The following DLGAP1 variants were observed in gnomAD, a reference collection of about 807,000 sequenced individuals.
DLGAP1 encodes DLG associated protein 1, also known as disks large-associated protein 1.
Under a neutral mutation model 90.8 loss-of-function variants are expected in DLGAP1, and 11 were observed. That is an observed-to-expected ratio of 0.12 (90% confidence interval 0.08 to 0.20). DLGAP1 has a LOEUF of 0.20. DLGAP1 is among the 10% of genes least tolerant of loss of function. The pLI is 1.00. For missense variants in DLGAP1, 1,050 were observed against 1,333.8 expected, an observed-to-expected ratio of 0.79 and a Z score of 3.31; for synonymous variants, 558 against 540.7, an observed-to-expected ratio of 1.03 and a Z score of -0.44.
chr18:3,689,847 T>G (rs549255543), intron 7 of DLGAP1, among the ~76,000 whole-genome samples: 23 of 152,204 alleles, frequency 1.5e-4, no homozygotes, highest in Non-Finnish European at 2.4e-4. Flanking sequence ...GTAGGGTTTC[T>G]TAGAGTCCTC....
At chr18:3,763,205 G>A (rs1261412545) in intron 5 of DLGAP1, among the ~76,000 whole-genome samples, 1 of 152,206 alleles carries the variant, frequency 6.6e-6, no homozygotes, top group Non-Finnish European at 1.5e-5. Context: ...GCAGAAGAAC[G>A]TGGAAAGACT....
chr18:4,424,382 A>T (rs2083106803), intron 1 of DLGAP1, among the ~76,000 whole-genome samples: 1 of 152,206 alleles, frequency 6.6e-6, no homozygotes, highest in Non-Finnish European at 1.5e-5. Flanking sequence ...GCAGAAAGCT[A>T]AAAGATTTAC....
rs1210317720 is a variant in DLGAP1 at position 4,135,331 on chromosome 18, C to T, written c.-159+15849G>A. Among the ~76,000 whole-genome samples the T allele has an allele frequency of 2.0e-5, 3 of 152,102 alleles. No individual in the cohort carries two copies. The East Asian group carries it at 5.8e-4, about 29-fold the overall frequency. On this transcript the variant is annotated intron_variant, in intron 2 of 12. Transcript: ENST00000315677. ...TTTGGAAATAAAGGGTTTGATGTGA[C>T]CAGGAAGTACTAGTAGATGCCCTCC...
intron 1 of DLGAP1, among the ~76,000 whole-genome samples, chr18:4,440,985 G>A (rs762632401): frequency 6.6e-5 from 10 of 152,124 alleles, no homozygotes; most frequent in Admixed American, 1.3e-4. Context: ...TACTTTCATC[G>A]GCCTGAATTG....
chr18:4,104,894 G>A (rs2075834335), intron 2 of DLGAP1, among the ~76,000 whole-genome samples: 1 of 152,146 alleles, frequency 6.6e-6, no homozygotes, highest in African/African-American at 2.4e-5. Context: ...AAGTTTGTCT[G>A]ATCTTCCTGT....
At chr18:3,941,417 G>A (rs1229477674) in intron 3 of DLGAP1, among the ~76,000 whole-genome samples, 1 of 152,256 alleles carries the variant, frequency 6.6e-6, no homozygotes, top group East Asian at 1.9e-4. Context: ...AGATGTTCAC[G>A]AGAATGTTGG....
intron 2 of DLGAP1, among the ~76,000 whole-genome samples, chr18:4,137,045 C>T (rs1328049141): frequency 6.6e-6 from 1 of 152,026 alleles, no homozygotes; most frequent in Non-Finnish European, 1.5e-5. Flanking sequence ...TGCTATCCCT[C>T]CCCCCTTCCC....
chr18:3,598,240 G>T (rs1316114866), intron 7 of DLGAP1: 3 of 152,086 alleles, frequency 2.0e-5, no homozygotes, highest in African/African-American at 7.2e-5. Flanking sequence ...AGTCCCAGCT[G>T]CTCGGGAGGC....
At chr18:4,401,527 C>A (rs1184101346) in intron 1 of DLGAP1, among the ~76,000 whole-genome samples, 1 of 152,046 alleles carries the variant, frequency 6.6e-6, no homozygotes, top group Non-Finnish European at 1.5e-5. Flanking sequence ...ATTTAGTGAT[C>A]AAGAACTAGT....
At chr18:4,111,095 C>T (rs2075963890) in intron 2 of DLGAP1, among the ~76,000 whole-genome samples, 1 of 152,106 alleles carries the variant, frequency 6.6e-6, no homozygotes, top group Non-Finnish European at 1.5e-5. Flanking sequence ...GCCTTCCATT[C>T]CCAGTTTGTC....
chr18:3,697,902 CTCT>C (rs2061148432), intron 7 of DLGAP1, among the ~76,000 whole-genome samples: 2 of 152,122 alleles, frequency 1.3e-5, no homozygotes. Context: ...GGATAGTTAG[CTCT>C]TCTTGTTGCA....
chr18:4,348,429 T>C (rs1180277769), intron 1 of DLGAP1, among the ~76,000 whole-genome samples: 1 of 151,734 alleles, frequency 6.6e-6, no homozygotes. Context: ...TGTGTGTGTG[T>C]GTGTGTGTGT....
At chr18:3,818,031 G>C (rs2067190884) in intron 4 of DLGAP1, among the ~76,000 whole-genome samples, 1 of 151,932 alleles carries the variant, frequency 6.6e-6, no homozygotes, top group Admixed American at 6.6e-5. Context: ...CTTAGGAGGG[G>C]GTTGGACTCA....
intron 7 of DLGAP1, among the ~76,000 whole-genome samples, chr18:3,636,595 T>A (rs548395739): frequency 1.3e-5 from 2 of 150,882 alleles, no homozygotes; most frequent in Non-Finnish European, 2.9e-5. Flanking sequence ...TATTTTTTTT[T>A]AGTAGAGATG....
rs2061597226 is a variant in DLGAP1, at chr18:3,711,548, C to T, written c.1591+17587G>A. On this transcript the variant is annotated intron_variant, in intron 7 of 12. Transcript: ENST00000315677. The surrounding 1 kb of genome is among the most constrained non-coding windows in gnomAD (Gnocchi z 4.0). ...GTGTTGACTGTGGTGAGGAATAAGA[C>T]AGAAATCCAGCCGGGTGTGGTGGCT... Among the ~76,000 whole-genome samples, 1 of 152,140 alleles carries T rather than the reference C, an allele frequency of 6.6e-6. No individual in the cohort carries two copies. Among genetic ancestry groups the T allele is most frequent in the Non-Finnish European group, 1.5e-5 (1 of 68,014 alleles).
intron 1 of DLGAP1, among the ~76,000 whole-genome samples, chr18:4,444,174 C>T (rs753983408): frequency 8.5e-5 from 13 of 152,306 alleles, no homozygotes; most frequent in Admixed American, 1.3e-4. Context: ...ACGAGGGAGA[C>T]GCTCCTCTTT....
At chr18:4,316,555 G>T (rs936228914) in intron 1 of DLGAP1, among the ~76,000 whole-genome samples, 6 of 152,156 alleles carry the variant, frequency 3.9e-5, no homozygotes, top group Non-Finnish European at 8.8e-5. Flanking sequence ...GCCCTGGAGA[G>T]ACATGTAAGA....
chr18:3,870,493 T>C (rs1599066603), intron 4 of DLGAP1, among the ~76,000 whole-genome samples: 1 of 152,180 alleles, frequency 6.6e-6, no homozygotes, highest in African/African-American at 2.4e-5. Context: ...CTGCACACTA[T>C]TCCTCTCAGA....
rs1026855479 is a variant in DLGAP1, at chr18:3,991,005, T to G, written c.-73+14111A>C. On this transcript the variant is annotated intron_variant, in intron 3 of 12. Transcript: ENST00000315677. ...TTAGTTTTCCTTTCCAACTTTTATT[T>G]TAGGTTCAAGGGGTACATGAGCAGG... 5.1e-4 allele frequency among the ~76,000 whole-genome samples: 78 copies of G among 152,122 alleles called. 2 individuals carry two copies. Among genetic ancestry groups the G allele is most frequent in the Non-Finnish European group, 8.8e-5 (6 of 68,016 alleles).
Sources: allele counts gnomAD v4.1 joint callset (sites outside exome capture counted in the v4.1 genomes callset), GRCh38; gene constraint gnomAD v4.1.1; non-coding constraint Gnocchi (gnomAD v3.1); transcripts MANE v1.5; gene names NCBI Gene and HGNC (gene_info 2026-07-23, HGNC 2026-07-21).